The following SMIM41 variants were observed in gnomAD, a reference collection of about 807,000 sequenced individuals.
The protein encoded by SMIM41 is small integral membrane protein 41.
At chr12:52,099,760 C>G (rs1334574771) in intron 2 of SMIM41, among the ~76,000 whole-genome samples, 1 of 151,952 alleles carries the variant, frequency 6.6e-6, no homozygotes, top group Non-Finnish European at 1.5e-5. Flanking sequence ...AAAACCCCGG[C>G]TATTTTGAAA....
chr12:52,097,721 C>A (rs2120701274), intron 2 of SMIM41, among the ~76,000 whole-genome samples: 1 of 152,164 alleles, frequency 6.6e-6, no homozygotes, highest in East Asian at 1.9e-4. Flanking sequence ...ATGATACTTG[C>A]CGTCCATATA....
At chr12:52,091,620 G>A (rs1327280485) in intron 2 of SMIM41, among the ~76,000 whole-genome samples, 1 of 152,202 alleles carries the variant, frequency 6.6e-6, no homozygotes, top group Non-Finnish European at 1.5e-5. Context: ...GCACATGGAG[G>A]ACCATGGAGA....
intron 2 of SMIM41, among the ~76,000 whole-genome samples, chr12:52,086,398 G>A (rs7313454): frequency 0.42 from 63,707 of 152,022 alleles, 14,341 homozygotes; most frequent in South Asian, 0.53. Flanking sequence ...GCAGGGTGAA[G>A]AACAGACTTA....
intron 2 of SMIM41, among the ~76,000 whole-genome samples, chr12:52,106,486 G>A (rs1940341857): frequency 6.6e-6 from 1 of 152,138 alleles, no homozygotes; most frequent in Non-Finnish European, 1.5e-5. Flanking sequence ...GGGACTACAG[G>A]TGCCCTCCGC....
intron 2 of SMIM41, among the ~76,000 whole-genome samples, chr12:52,102,999 T>C (rs141372021): frequency 6.6e-6 from 1 of 152,278 alleles, no homozygotes; most frequent in Non-Finnish European, 1.5e-5. Context: ...CTGCAGTGCA[T>C]TCATACAATG....
chr12:52,088,215 G>T (rs1939922606), intron 2 of SMIM41, among the ~76,000 whole-genome samples: 1 of 152,240 alleles, frequency 6.6e-6, no homozygotes, highest in Non-Finnish European at 1.5e-5. Flanking sequence ...GAGAGTGATT[G>T]TGCTGCAATG....
chr12:52,079,993 G>A lies in SMIM41; in HGVS notation c.214G>A (p.Glu72Lys), dbSNP rs1476315016. 1 of 378,410 alleles carries A rather than the reference G, an allele frequency of 2.6e-6. No individual in the cohort carries two copies. The highest frequency in any genetic ancestry group is 4.7e-6 in the Non-Finnish European group (1 of 213,050). 23.4% of individuals were successfully genotyped at this position (378,410 alleles called of 1,614,324 possible). A position where few individuals can be genotyped will look rare whatever the true frequency, so the allele number is the denominator to read the frequency against. The change falls in exon 1 of 3, where the codon GAG becomes AAG. Residue 72 changes from glutamate (E) to lysine (K), a missense_variant. Glu to Lys is a moderately conservative substitution (Grantham distance 56). Coordinates refer to ENST00000546390, the MANE Select transcript of SMIM41 (RefSeq NM_001369216.1). ...AQGLTALLTR[E>K]QRASREPEPG... ...GGGCCTGACAGCGCTGCTGACCCGC[G>A]AGCAGCGCGCGTCCCGCGAGCCCGA...
At chr12:52,102,077 C>T (rs750213322) in intron 2 of SMIM41, among the ~76,000 whole-genome samples, 14 of 152,162 alleles carry the variant, frequency 9.2e-5, no homozygotes, top group Non-Finnish European at 1.8e-4. Context: ...AATAACTTCT[C>T]ACCTATATGT....
intron 2 of SMIM41, among the ~76,000 whole-genome samples, chr12:52,100,605 C>T (rs1210497527): frequency 9.4e-5 from 14 of 149,570 alleles, no homozygotes; most frequent in Admixed American, 3.3e-4. Flanking sequence ...TACAGGCATG[C>T]GCTACCGCGC....
chr12:52,097,108 A>G (rs1940111521), intron 2 of SMIM41, among the ~76,000 whole-genome samples: 2 of 152,098 alleles, frequency 1.3e-5, no homozygotes, highest in Non-Finnish European at 2.9e-5. Context: ...TCCGGGGTAG[A>G]GAAAATGACA....
At chr12:52,095,906 C>CAAA (rs1213806267) in intron 2 of SMIM41, among the ~76,000 whole-genome samples, 77 of 151,972 alleles carry the variant, frequency 5.1e-4, no homozygotes, top group African/African-American at 1.8e-3. Context: ...CAATATCACA[C>CAAA]GGGTTTGTAC....
intron 2 of SMIM41, among the ~76,000 whole-genome samples, chr12:52,097,106 A>T (rs2120698121): frequency 6.6e-6 from 1 of 152,200 alleles, no homozygotes; most frequent in East Asian, 1.9e-4. Context: ...TGTCCGGGGT[A>T]GAGAAAATGA....
At chr12:52,080,654 A>G (rs1225530240) in intron 1 of SMIM41, among the ~76,000 whole-genome samples, 2 of 152,166 alleles carry the variant, frequency 1.3e-5, no homozygotes, top group Non-Finnish European at 2.9e-5. Flanking sequence ...TGCCCACTCC[A>G]CGGGGCTGAG....
chr12:52,091,258 A>G (rs970661943), intron 2 of SMIM41, among the ~76,000 whole-genome samples: 1 of 152,146 alleles, frequency 6.6e-6, no homozygotes, highest in African/African-American at 2.4e-5. Flanking sequence ...TTCAGGTTTC[A>G]GGTGGCCATT....
At chr12:52,101,284 G>T (rs921983304) in intron 2 of SMIM41, among the ~76,000 whole-genome samples, 2 of 152,104 alleles carry the variant, frequency 1.3e-5, no homozygotes, top group African/African-American at 4.8e-5. Context: ...AATTAGCCGG[G>T]TGTGGTGACG....
intron 2 of SMIM41, among the ~76,000 whole-genome samples, chr12:52,086,374 T>G (rs1418501920): frequency 1.0e-5 from 1 of 96,344 alleles, no homozygotes; most frequent in Admixed American, 1.9e-4. Flanking sequence ...TGCCTCTGGT[T>G]CTGCGAGCCC....
chr12:52,092,249 G>A (rs1425814466), intron 2 of SMIM41: 1 of 152,172 alleles, frequency 6.6e-6, no homozygotes, highest in Non-Finnish European at 1.5e-5. Context: ...AACGTTACAA[G>A]AATTGTAGGG....
intron 2 of SMIM41, among the ~76,000 whole-genome samples, chr12:52,086,726 C>T (rs889677056): frequency 1.3e-5 from 2 of 152,230 alleles, no homozygotes; most frequent in Admixed American, 6.5e-5. Flanking sequence ...CTCTTTCAAC[C>T]TGCTCACTCT....
chr12:52,083,573 C>G (rs1245056206), intron 1 of SMIM41, among the ~76,000 whole-genome samples: 1 of 152,194 alleles, frequency 6.6e-6, no homozygotes, highest in Non-Finnish European at 1.5e-5. Flanking sequence ...GCCACCCTCA[C>G]GCCAGCACTC....
Sources: allele counts gnomAD v4.1 joint callset (sites outside exome capture counted in the v4.1 genomes callset), GRCh38; gene constraint gnomAD v4.1.1; transcripts MANE v1.5; gene names NCBI Gene and HGNC (gene_info 2026-07-23, HGNC 2026-07-21).